The following TRAF2 variants were observed in gnomAD, a reference collection of about 807,000 sequenced individuals.
TRAF2 encodes the protein TNF receptor-associated factor 2.
TRAF2 carries 6 observed loss-of-function variants against 55.6 expected under a neutral mutation model. The ratio of observed to expected loss-of-function variants is 0.11; its 90% CI spans 0.06 to 0.21. The LOEUF (loss-of-function observed/expected upper bound fraction) is 0.21, where lower values mean the gene tolerates loss of function less well. Among genes scored for constraint, TRAF2 ranks in the 10% least tolerant of loss-of-function variants. The pLI, the probability that TRAF2 is intolerant of heterozygous loss-of-function variation, is 1.00. For missense variants in TRAF2, 561 were observed against 684.5 expected (o/e 0.82, Z 2.01); for synonymous variants, 329 against 276.3 (o/e 1.19, Z -1.89).
At chr9:136,902,866 C>T (rs1042444273) in intron 4 of TRAF2, among the ~76,000 whole-genome samples, 5 of 152,160 alleles carry the variant, frequency 3.3e-5, no homozygotes, top group Non-Finnish European at 7.3e-5. Flanking sequence ...TGCCTTTCCT[C>T]CTTGATGGTC....
intron 10 of TRAF2, among the ~76,000 whole-genome samples, 157 bp downstream of exon 10, chr9:136,924,157 G>A (rs369484663): frequency 5.9e-5 from 9 of 152,188 alleles, no homozygotes; most frequent in African/African-American, 7.2e-5. Flanking sequence ...TGTGTCACGC[G>A]GTGGAGAGCT....
At chr9:136,912,806 C>T (rs1239822773) in intron 6 of TRAF2, among the ~76,000 whole-genome samples, 1 of 152,148 alleles carries the variant, frequency 6.6e-6, no homozygotes, top group Non-Finnish European at 1.5e-5. Flanking sequence ...CACTGCACTC[C>T]AGCCTGGGTG....
At chr9:136,905,830 C>T (rs191648291) in intron 4 of TRAF2, among the ~76,000 whole-genome samples, 121 of 152,262 alleles carry the variant, frequency 7.9e-4, no homozygotes, top group Non-Finnish European at 1.5e-3. Flanking sequence ...TACCGCCGGG[C>T]GCGGTGGCTC....
chr9:136,895,864 AAAAAAAG>A (rs1849668977), intron 1 of TRAF2, among the ~76,000 whole-genome samples: 1 of 150,472 alleles, frequency 6.6e-6, no homozygotes, highest in Non-Finnish European at 1.5e-5. Flanking sequence ...AAAAAAAAAA[AAAAAAAG>A]GAATGGTTCT....
chr9:136,912,474 T>C (rs959735866), intron 6 of TRAF2, among the ~76,000 whole-genome samples: 3 of 152,192 alleles, frequency 2.0e-5, no homozygotes. Context: ...TTATCTTTTT[T>C]TAGTGTTGCA....
rs755453360 is a variant in TRAF2 at position 136,908,224 on chromosome 9, A to T, written c.521A>T (p.Asp174Val). The change falls in exon 5 of 11, where the codon GAC becomes GTC. Residue 174 changes from aspartate (D) to valine (V), a missense_variant. Asp to Val is a radical substitution (Grantham distance 152). This residue lies in a region of TRAF2 where 426 missense variants were observed against 476.8 expected (regional missense o/e 0.89). Coordinates refer to ENST00000247668, the MANE Select transcript of TRAF2 (RefSeq NM_021138.4). ...TGCCGGGCACCCTGCTGCGGAGCAG[A>T]CGTGAAGGTGCGTGGGGTGGAGCAG... ...RHCRAPCCGA[D>V]VKAHHEVCPK... The T allele has an allele frequency of 6.3e-7, 1 of 1,586,026 alleles. No individual in the cohort carries two copies. The highest frequency in any genetic ancestry group is 1.1e-5 in the South Asian group (1 of 89,760).
chr9:136,920,115 C>T (rs1163116903), intron 7 of TRAF2, 119 bp from the exon 8 acceptor site: 1 of 1,286,408 alleles, frequency 7.8e-7, no homozygotes, highest in African/African-American at 1.5e-5. Flanking sequence ...CCCAGGCATC[C>T]CTATCTATGA....
At chr9:136,886,080 C>T (rs1399371390), upstream of TRAF2, 1 of 152,294 alleles carries the variant, frequency 6.6e-6, no homozygotes, top group East Asian at 1.9e-4. Flanking sequence ...TGTCGCCCGG[C>T]TTGGGCTCCC....
At chr9:136,884,534 T>G (rs181980398), upstream of TRAF2, among the ~76,000 whole-genome samples, 1 of 149,388 alleles carries the variant, frequency 6.7e-6, no homozygotes. Context: ...CACTCCAGCC[T>G]GGGTGACAGA....
chr9:136,882,141 G>A, upstream of TRAF2: 1 of 733,568 alleles, frequency 1.4e-6, no homozygotes, highest in Non-Finnish European at 1.7e-6. Flanking sequence ...TGTGCAAGCT[G>A]GGCTCTGTCG....
chr9:136,900,235 T>C (rs1849786077), intron 3 of TRAF2, among the ~76,000 whole-genome samples, 187 bp from the exon 4 acceptor site: 1 of 151,098 alleles, frequency 6.6e-6, no homozygotes, highest in Non-Finnish European at 1.5e-5. Flanking sequence ...AGTTTAGGGT[T>C]TGGAAACTTT....
At chr9:136,908,848 C>G (rs1362384329) in intron 5 of TRAF2, among the ~76,000 whole-genome samples, 2 of 134,914 alleles carry the variant, frequency 1.5e-5, no homozygotes, top group African/African-American at 2.9e-5. Context: ...CCAGCCCAGG[C>G]GACAGAGCGA....
rs17250560 is a variant in TRAF2 at position 136,921,160 on chromosome 9, C to T, written c.1083C>T (p.Phe361=). 2.5e-3 allele frequency: 4,052 copies of T among 1,613,904 alleles called. 80 individuals carry two copies. The African/African-American group carries it at 0.046, about 18-fold the overall frequency. ...TCTTCATCTGGAAGATCTCAGACTTCGCCAGGAAGCGCCAGGAAGCTGTGG... is the reference window on the plus strand; with the variant it reads ...TCTTCATCTGGAAGATCTCAGACTTTGCCAGGAAGCGCCAGGAAGCTGTGG... ...DGVFIWKISD[F]ARKRQEAVAG... The change falls in exon 9 of 11, where the codon TTC becomes TTT. Residue 361 remains phenylalanine, a synonymous_variant. Coordinates refer to ENST00000247668, the MANE Select transcript of TRAF2 (RefSeq NM_021138.4).
chr9:136,894,413 C>T (rs1849640557), intron 1 of TRAF2, among the ~76,000 whole-genome samples: 1 of 151,776 alleles, frequency 6.6e-6, no homozygotes, highest in Non-Finnish European at 1.5e-5. Flanking sequence ...GGGGACATTA[C>T]ATGGGAGTTG....
At chr9:136,925,176 A>G in intron 10 of TRAF2, among the ~76,000 whole-genome samples, 1 of 152,198 alleles carries the variant, frequency 6.6e-6, no homozygotes. Flanking sequence ...TGGAGTAGGC[A>G]GAGCAGAGTT....
chr9:136,882,468 G>A (rs1270313197), upstream of TRAF2, among the ~76,000 whole-genome samples: 2 of 152,194 alleles, frequency 1.3e-5, no homozygotes, highest in East Asian at 1.9e-4. Flanking sequence ...TGGCACCCTC[G>A]TCAGGACACG....
chr9:136,908,279 T>C, intron 5 of TRAF2, 48 bp downstream of exon 5: 2 of 1,503,416 alleles, frequency 1.3e-6, no homozygotes, highest in South Asian at 1.2e-5. Context: ...CATGCGGGGC[T>C]GAGCTGGGGA....
chr9:136,903,041 A>G (rs906999633), intron 4 of TRAF2, among the ~76,000 whole-genome samples: 1 of 152,044 alleles, frequency 6.6e-6, no homozygotes, highest in Non-Finnish European at 1.5e-5. Context: ...ACCTCGGCTC[A>G]CTGCAGCCTC....
chr9:136,883,108 G>C (rs1414553890), upstream of TRAF2, among the ~76,000 whole-genome samples: 5 of 152,110 alleles, frequency 3.3e-5, no homozygotes, highest in Non-Finnish European at 7.3e-5. Context: ...GATCTCAGGT[G>C]ATCTGCCCAC....
Sources: allele counts gnomAD v4.1 joint callset (sites outside exome capture counted in the v4.1 genomes callset), GRCh38; gene constraint gnomAD v4.1.1; regional missense constraint gnomAD v4.1.1; transcripts MANE v1.5; gene names NCBI Gene and HGNC (gene_info 2026-07-23, HGNC 2026-07-21).